The following NTHL1 variants were observed in gnomAD, a reference collection of about 807,000 sequenced individuals.
NTHL1 encodes the protein nth like DNA glycosylase 1.
In NTHL1, 32 loss-of-function variants were observed where a neutral mutation model predicts 32.3. The ratio of observed to expected loss-of-function variants is 0.99; its 90% confidence interval spans 0.75 to 1.33. NTHL1 has a LOEUF of 1.33. NTHL1 is among the 40% of genes most tolerant of loss of function. The pLI is 0.00. For synonymous variants in NTHL1, 188 were observed against 176.9 expected (o/e 1.06, Z -0.50); for missense variants, 501 against 414.1 (o/e 1.21, Z -1.82).
rs2084492854 is a variant in NTHL1 at position 2,047,499 on chromosome 16, G to A, written c.115+210C>T. On this transcript the variant is annotated intron_variant, in intron 1 of 5. Transcript: ENST00000651570. ...GCTTGGGGCGAAAGGGGGCAGCGGA[G>A]CGGAGCGCCCGAAACCCAGCCCCTG... The A allele has an allele frequency of 7.7e-6, 6 of 774,522 alleles. No homozygotes were observed. In the East Asian group the frequency reaches 1.7e-4, roughly 22 times the overall value. 48.0% of individuals were successfully genotyped at this position (774,522 alleles called of 1,614,324 possible).
rs746458904 is a variant in NTHL1 at position 2,046,294 on chromosome 16, G to C, written c.188C>G (p.Ser63Trp). The C allele has an allele frequency of 2.5e-6, 4 of 1,613,150 alleles. No homozygotes were observed. Among genetic ancestry groups the C allele is most frequent in the Non-Finnish European group, 3.4e-6 (4 of 1,179,982 alleles). The change falls in exon 2 of 6, where the codon TCG becomes TGG. Residue 63 changes from serine to tryptophan, a missense_variant. By Grantham distance (177) the Ser-to-Trp change is radical. Transcript: ENST00000651570. The part of the protein sequence containing the change: ...AQRLRVAYEG[S>W]DSEKGEGAEP... Reference sequence around the variant, plus strand: ...AGCCCCCTCACCTTTCTCACTGTCCGAGCCCTCATAGGCCACACGCAGTCT... The same window carrying C: ...AGCCCCCTCACCTTTCTCACTGTCCCAGCCCTCATAGGCCACACGCAGTCT...
chr16:2,047,696 G>T lies in NTHL1; in HGVS notation c.115+13C>A, dbSNP rs2084511616. 7 of 1,569,906 alleles carry T rather than the reference G, an allele frequency of 4.5e-6. No homozygotes were observed. Among genetic ancestry groups the T allele is most frequent in the Non-Finnish European group, 5.1e-6 (6 of 1,165,566 alleles). On this transcript the variant is annotated intron_variant, in intron 1 of 5. Transcript: ENST00000651570. ...CCGCCTCCTCCCACGCTCCAGCCAC[G>T]GCGCGGCGCTACCTGCTGCAGCCTC...
Position 2,044,445 on chromosome 16 carries a change from C to T in NTHL1, c.525+185G>A, listed in dbSNP as rs1167349838. On this transcript the variant is annotated intron_variant, in intron 3 of 5. Transcript: ENST00000651570. This position sits in a 1 kb window ranked among gnomAD's most constrained non-coding sequence, Gnocchi z 5.0. The stretch of plus-strand genomic sequence containing the variant: ...GGAAGGGAGGATGCGAACAGGAAGG[C>T]CAAGGAGCTGCTGGGACTGGGCGTC... 1.3e-5 allele frequency among the ~76,000 whole-genome samples: 2 copies of T among 152,156 alleles called. No individual in the cohort carries two copies. The highest frequency in any genetic ancestry group is 2.4e-5 in the African/African-American group (1 of 41,440).
At chr16:2,047,654 A>G in intron 1 of NTHL1, 55 bp downstream of exon 1, 1 of 1,527,668 alleles carries the variant, frequency 6.5e-7, no homozygotes, top group Non-Finnish European at 8.8e-7. Context: ...CCGGGACTCC[A>G]GCCTGCAGCC....
chr16:2,040,836 G>A lies in NTHL1; in HGVS notation c.686-598C>T, dbSNP rs565600412. Among the ~76,000 whole-genome samples, 492 of 152,264 alleles carry A rather than the reference G, an allele frequency of 3.2e-3. 6 individuals carry two copies. Among genetic ancestry groups the A allele is most frequent in the Non-Finnish European group, 5.2e-3 (354 of 68,020 alleles). ...TCTCCTGTGGCCTGAGGCTCCTCTC[G>A]GCATAAGCACTGGCTCTGGGCACCA... On this transcript the variant is annotated intron_variant, in intron 4 of 5. Transcript: ENST00000651570.
chr16:2,041,600 G>A (rs1212318443), intron 4 of NTHL1, among the ~76,000 whole-genome samples: 4 of 151,774 alleles, frequency 2.6e-5, no homozygotes, highest in Non-Finnish European at 4.4e-5. Context: ...CTGCCACCAC[G>A]CCCGGCTAAT....
At chr16:2,045,803 G>C (rs1342199673) in intron 2 of NTHL1, among the ~76,000 whole-genome samples, 1 of 152,222 alleles carries the variant, frequency 6.6e-6, no homozygotes. Context: ...CCACCTGGTA[G>C]CAGAATAGGG....
intron 2 of NTHL1, among the ~76,000 whole-genome samples, chr16:2,045,415 T>G (rs1001385865): frequency 6.6e-6 from 1 of 152,162 alleles, no homozygotes; most frequent in Non-Finnish European, 1.5e-5. Context: ...GATTGCTTCG[T>G]GAATCATCAC....
intron 4 of NTHL1, among the ~76,000 whole-genome samples, chr16:2,042,650 C>A (rs961784251): frequency 1.3e-5 from 2 of 152,116 alleles, no homozygotes; most frequent in African/African-American, 4.8e-5. Context: ...TGGACAAAGC[C>A]GAGGAGGAGG....
rs748719278 is a variant in NTHL1 at position 2,043,638 on chromosome 16, G to T, written c.614C>A (p.Ala205Glu). 9 of 1,611,392 alleles carry T rather than the reference G, an allele frequency of 5.6e-6. No individual in the cohort carries two copies. Among genetic ancestry groups the T allele is most frequent in the Non-Finnish European group, 6.8e-6 (8 of 1,179,972 alleles). ...CATCTTGGGCCCAACACCCGGCAGC[G>T]CCACCAGCTCGGCCACAGAGGCTGG... ...DIPASVAELV[A>E]LPGVGPKMAH... is the part of the protein sequence containing the mutation. Residue 205 changes from alanine (A) to glutamate (E), a missense_variant, in exon 4 of 6, where the codon GCG (alanine) becomes GAG (glutamate). Transcript: ENST00000651570. This position sits in a 1 kb window ranked among gnomAD's most constrained non-coding sequence, Gnocchi z 4.4.
chr16:2,039,887 T>C lies in NTHL1; in HGVS notation c.*37A>G. The C allele has an allele frequency of 6.3e-7, 1 of 1,597,902 alleles. No individual in the cohort carries two copies. The highest frequency in any genetic ancestry group is 1.3e-5 in the African/African-American group (1 of 75,022). On this transcript the variant is annotated 3_prime_UTR_variant, in exon 6 of 6. Transcript: ENST00000651570. ...AAGCGTAAAGCCACTTCACAGACGG[T>C]GGCCACAGCGGCACCTCGGCCAGAG...
intron 2 of NTHL1, among the ~76,000 whole-genome samples, chr16:2,045,279 G>A (rs1221137899): frequency 6.6e-6 from 1 of 151,972 alleles, no homozygotes; most frequent in African/African-American, 2.4e-5. Flanking sequence ...GAAGGTTGCA[G>A]TGAGCTAAGA....
Position 2,044,114 on chromosome 16 carries a change from G to C in NTHL1, c.526-388C>G. On this transcript the variant is annotated intron_variant, in intron 3 of 5. Transcript: ENST00000651570. This position sits in a 1 kb window ranked among gnomAD's most constrained non-coding sequence, Gnocchi z 5.0. ...CACCAGCTGCCAGGCCTGCCGGGTG[G>C]TTCCCATCCTGTGCCTGAGTGGAGA... 5.4e-6 allele frequency: 2 copies of C among 368,160 alleles called. No homozygotes were observed. The highest frequency in any genetic ancestry group is 1.0e-5 in the Non-Finnish European group (2 of 193,326). 22.8% of individuals were successfully genotyped at this position (368,160 alleles called of 1,614,324 possible). A position where few individuals can be genotyped will look rare whatever the true frequency, so the allele number is the denominator to read the frequency against.
chr16:2,044,599 C>T lies in NTHL1; in HGVS notation c.525+31G>A. The T allele has an allele frequency of 6.3e-7, 1 of 1,598,552 alleles. No individual in the cohort carries two copies. Among genetic ancestry groups the T allele is most frequent in the Non-Finnish European group, 8.5e-7 (1 of 1,179,804 alleles). On this transcript the variant is annotated intron_variant, in intron 3 of 5. Coordinates refer to ENST00000651570, the MANE Select transcript of NTHL1 (RefSeq NM_002528.7). The surrounding 1 kb of genome is among the most constrained non-coding windows in gnomAD (Gnocchi z 5.0). The stretch of plus-strand genomic sequence containing the variant: ...TGAGGTCTCTCTCAGGCCACTGCCA[C>T]CCGGCCCCCGTTGCCACAGGCAGGG...
In NTHL1 at chr16:2,043,815, G is replaced by C; in HGVS notation, c.526-89C>G. 4 of 1,466,570 alleles carry C rather than the reference G, an allele frequency of 2.7e-6. No individual in the cohort carries two copies. Among genetic ancestry groups the C allele is most frequent in the Non-Finnish European group, 3.8e-6 (4 of 1,064,396 alleles). 90.8% of individuals were successfully genotyped at this position (1,466,570 alleles called of 1,614,324 possible). ...CCCCCAGGAGACCCACAGGTGGCCA[G>C]AGCTACCTGCACCTGCTGAGGACGT... On this transcript the variant is annotated intron_variant, in intron 3 of 5. Transcript: ENST00000651570. This position sits in a 1 kb window ranked among gnomAD's most constrained non-coding sequence, Gnocchi z 4.4.
At position 2,044,561 on chromosome 16, in the gene NTHL1, C is replaced by A; in HGVS notation, c.525+69G>T. ...CCTCACTTCCTGCACCGTCGCCACC[C>A]CCCTCAGCCTTCTGAGGTCTCTCTC... On this transcript the variant is annotated intron_variant, in intron 3 of 5. Coordinates refer to ENST00000651570, the MANE Select transcript of NTHL1 (RefSeq NM_002528.7). This position sits in a 1 kb window ranked among gnomAD's most constrained non-coding sequence, Gnocchi z 5.0. 6.3e-7 allele frequency: 1 copy of A among 1,580,692 alleles called. No individual in the cohort carries two copies. The highest frequency in any genetic ancestry group is 1.7e-5 in the Admixed American group (1 of 59,986).
At position 2,047,710 on chromosome 16, in the gene NTHL1, T is replaced by A. The variant is rs1340753768; in HGVS notation, c.114A>T (p.Ala38=). Residue 38 remains alanine, a splice_region_variant and synonymous_variant, in exon 1 of 6, where the codon GCA becomes GCT. Transcript: ENST00000651570. ...PGPLRRREAA[A]EARKSHSPVK... is the part of the protein sequence containing the mutation. ...GCTCCAGCCACGGCGCGGCGCTACC[T>A]GCTGCAGCCTCTCTTCTCCGGAGAG... The A allele has an allele frequency of 6.3e-7, 1 of 1,578,546 alleles. No homozygotes were observed. The highest frequency in any genetic ancestry group is 1.1e-5 in the South Asian group (1 of 87,664).
intron 4 of NTHL1, among the ~76,000 whole-genome samples, chr16:2,041,505 C>T (rs981006087): frequency 2.6e-5 from 4 of 151,530 alleles, no homozygotes; most frequent in Non-Finnish European, 5.9e-5. Flanking sequence ...GACAATGGTG[C>T]GATCTCCACT....
chr16:2,045,805 A>AG (rs2084342864), intron 2 of NTHL1, among the ~76,000 whole-genome samples: 1 of 152,218 alleles, frequency 6.6e-6, no homozygotes, highest in Non-Finnish European at 1.5e-5. Context: ...ACCTGGTAGC[A>AG]GAATAGGGAT....
Sources: gnomAD v4.1 joint callset for allele counts (sites outside exome capture counted in the v4.1 genomes callset) on GRCh38, gnomAD v4.1.1 for gene constraint, Gnocchi (gnomAD v3.1) non-coding constraint, MANE v1.5 for transcripts, NCBI Gene and HGNC (gene_info 2026-07-23, HGNC 2026-07-21) for gene names.